The following LRIG1 variants were observed in gnomAD, a reference collection of about 807,000 sequenced individuals.
The protein encoded by LRIG1 is leucine-rich repeats and immunoglobulin-like domains protein 1.
In LRIG1, 48 loss-of-function variants were observed where a neutral mutation model predicts 99.2. The observed-to-expected ratio is 0.48, with a 90% CI of 0.38 to 0.62. The LOEUF (loss-of-function observed/expected upper bound fraction) is 0.62, where lower values mean the gene tolerates loss of function less well. Among genes scored for constraint, LRIG1 ranks in the 20% least tolerant of loss-of-function variants. The probability of loss-of-function intolerance (pLI) is 0.00; values close to 1 mark genes in which losing one functional copy is unlikely to be tolerated. For missense variants in LRIG1, 1,646 were observed against 1,434.4 expected (o/e 1.15, Z -2.38); for synonymous variants, 772 against 596.1 (o/e 1.29, Z -4.30).
At chr3:66,397,448 TA>T (rs386396916) in intron 11 of LRIG1, among the ~76,000 whole-genome samples, 97 of 131,412 alleles carry the variant, frequency 7.4e-4, no homozygotes, top group African/African-American at 1.8e-3. Flanking sequence ...CATGTCTAGC[TA>T]AAAAAAAAAA....
At chr3:66,486,173 A>G (rs1170454888) in intron 1 of LRIG1, among the ~76,000 whole-genome samples, 1 of 152,166 alleles carries the variant, frequency 6.6e-6, no homozygotes, top group Non-Finnish European at 1.5e-5. Flanking sequence ...CGACAGTTAT[A>G]ATAATAACAT....
intron 3 of LRIG1, among the ~76,000 whole-genome samples, chr3:66,424,210 T>C (rs375509671): frequency 9.9e-5 from 15 of 152,170 alleles, no homozygotes; most frequent in African/African-American, 3.6e-4. Flanking sequence ...TCTGACAGAT[T>C]CCCCAGCATC....
rs775707461 is a variant in LRIG1, at chr3:66,462,486, G to A, written c.242C>T (p.Ser81Phe). Residue 81 changes from serine (S) to phenylalanine (F), a missense_variant, in exon 2 of 19, where the codon TCT becomes TTT. Ser to Phe is a radical substitution (Grantham distance 155). Coordinates refer to ENST00000273261, the MANE Select transcript of LRIG1 (RefSeq NM_015541.3). ...RSLNLSYNKL[S>F]EIDPAGFEDL... ...CTCAAAACCAGCAGGGTCAATCTCA[G>A]AGAGTTTGTTGTAACTCAGGTTTCT... 3.1e-6 allele frequency: 5 copies of A among 1,612,436 alleles called. No homozygotes were observed. In the South Asian group the frequency reaches 4.4e-5, roughly 14 times the overall value.
intron 3 of LRIG1, among the ~76,000 whole-genome samples, chr3:66,443,073 G>A (rs1479751021): frequency 6.6e-6 from 1 of 152,188 alleles, no homozygotes; most frequent in Non-Finnish European, 1.5e-5. Flanking sequence ...CCAGCGAAAG[G>A]CTTGCTTAGA....
intron 2 of LRIG1, among the ~76,000 whole-genome samples, chr3:66,462,004 G>A (rs937803047): frequency 6.6e-6 from 1 of 152,130 alleles, no homozygotes; most frequent in African/African-American, 2.4e-5. Flanking sequence ...CAGCACATTG[G>A]GAGGCCAAGG....
chr3:66,415,104 G>A (rs768586355), intron 4 of LRIG1, 41 bp from the exon 5 acceptor site: 1 of 1,559,072 alleles, frequency 6.4e-7, no homozygotes, highest in Admixed American at 1.9e-5. Context: ...GTTGGTCAAA[G>A]GCCTTCCTCA....
At chr3:66,477,704 G>T (rs775081842) in intron 1 of LRIG1, among the ~76,000 whole-genome samples, 1 of 152,064 alleles carries the variant, frequency 6.6e-6, no homozygotes, top group Non-Finnish European at 1.5e-5. Context: ...TCTCACTTAA[G>T]TTCATTCTCT....
intron 10 of LRIG1, among the ~76,000 whole-genome samples, chr3:66,398,521 G>C (rs1701939498): frequency 6.6e-6 from 1 of 152,176 alleles, no homozygotes; most frequent in Non-Finnish European, 1.5e-5. Context: ...GACTGTCTCG[G>C]GTGGCTCTGT....
intron 1 of LRIG1, among the ~76,000 whole-genome samples, chr3:66,499,418 G>GCCCCACCCCACTGGATCATCAAGC (rs1553728185): frequency 7.9e-5 from 12 of 152,284 alleles, no homozygotes; most frequent in African/African-American, 2.9e-4. Context: ...TTGAGGGTGG[G>GCCCCACCCCACTGGATCATCAAGC]CCCCACCCCA....
intron 3 of LRIG1, among the ~76,000 whole-genome samples, chr3:66,423,653 C>A (rs2106719103): frequency 6.6e-6 from 1 of 152,278 alleles, no homozygotes; most frequent in Non-Finnish European, 1.5e-5. Context: ...CTTGTGTCTC[C>A]CAAGTAAGTC....
chr3:66,396,946 A>G (rs2107977240), intron 11 of LRIG1, among the ~76,000 whole-genome samples: 1 of 151,986 alleles, frequency 6.6e-6, no homozygotes, highest in Admixed American at 6.5e-5. Context: ...CTGGAAGGAG[A>G]GCCATGGAAT....
chr3:66,381,652 G>A (rs200533484), intron 16 of LRIG1, 21 bp from the exon 17 acceptor site: 53 of 1,604,708 alleles, frequency 3.3e-5, no homozygotes, highest in South Asian at 7.7e-5. Context: ...ATTCCAACAC[G>A]ATTAGAAACT....
At chr3:66,423,622 T>C (rs1702888610) in intron 3 of LRIG1, among the ~76,000 whole-genome samples, 1 of 152,156 alleles carries the variant, frequency 6.6e-6, no homozygotes, top group African/African-American at 2.4e-5. Context: ...CACTCCTCTG[T>C]CTAAATCTCA....
At chr3:66,393,744 A>G (rs1199241056) in intron 12 of LRIG1, among the ~76,000 whole-genome samples, 1 of 152,248 alleles carries the variant, frequency 6.6e-6, no homozygotes, top group Non-Finnish European at 1.5e-5. Context: ...CCCGGGCACC[A>G]GAGCCCTTCT....
chr3:66,414,385 G>A (rs1026403330), intron 5 of LRIG1, among the ~76,000 whole-genome samples: 2 of 151,374 alleles, frequency 1.3e-5, no homozygotes, highest in Non-Finnish European at 2.9e-5. Context: ...GACAGAGCGA[G>A]ACTGTCGCAA....
intron 9 of LRIG1, among the ~76,000 whole-genome samples, chr3:66,400,466 A>G (rs1702011077): frequency 6.6e-6 from 1 of 152,324 alleles, no homozygotes; most frequent in Middle Eastern, 3.4e-3. Flanking sequence ...CAGGCTGGCT[A>G]AGAATACCGA....
intron 3 of LRIG1, among the ~76,000 whole-genome samples, chr3:66,423,369 T>C (rs1702879581): frequency 6.6e-6 from 1 of 152,060 alleles, no homozygotes; most frequent in South Asian, 2.1e-4. Flanking sequence ...TCAGGAGTTT[T>C]GAGACCAGCC....
intron 12 of LRIG1, among the ~76,000 whole-genome samples, chr3:66,393,557 G>C (rs1448916404): frequency 6.6e-6 from 1 of 152,240 alleles, no homozygotes; most frequent in African/African-American, 2.4e-5. Context: ...TGCAAGTGCA[G>C]ATTTCAGTGG....
At chr3:66,444,996 T>G (rs184623916) in intron 3 of LRIG1, among the ~76,000 whole-genome samples, 13 of 151,630 alleles carry the variant, frequency 8.6e-5, no homozygotes, top group East Asian at 5.9e-4. Flanking sequence ...GTTGTGCTGG[T>G]TTTTTTTGAC....
Sources: gnomAD v4.1 joint callset for allele counts (sites outside exome capture counted in the v4.1 genomes callset) on GRCh38, gnomAD v4.1.1 for gene constraint, MANE v1.5 for transcripts, NCBI Gene and HGNC (gene_info 2026-07-23, HGNC 2026-07-21) for gene names.